Variants in BRD10 observed in about 807,000 individuals in gnomAD.
BRD10 encodes bromodomain containing 10, also known as uncharacterized bromodomain-containing protein 10.
At chr9:5,912,140 T>C in the BRD10 span, among the ~76,000 whole-genome samples, 2 of 152,240 alleles carry the variant, frequency 1.3e-5, no homozygotes, top group African/African-American at 4.8e-5. Flanking sequence ...TTTGCAGCTA[T>C]TGTAAATGGG....
the BRD10 span, chr9:5,922,315 C>A: frequency 6.2e-7 from 1 of 1,613,904 alleles, no homozygotes; most frequent in South Asian, 1.1e-5. Flanking sequence ...AGGAAATGGT[C>A]GGTGAAGCAC....
chr9:5,974,272 T>C, the BRD10 span, among the ~76,000 whole-genome samples: 1 of 152,198 alleles, frequency 6.6e-6, no homozygotes, highest in Non-Finnish European at 1.5e-5. Flanking sequence ...TAGAACTGCA[T>C]AACCAGCTAA....
At chr9:5,989,530 TA>T in the BRD10 span, among the ~76,000 whole-genome samples, 2 of 150,256 alleles carry the variant, frequency 1.3e-5, no homozygotes, top group East Asian at 3.9e-4. Flanking sequence ...AAAGGTTCAT[TA>T]AAATGTAAAT....
the BRD10 span, chr9:5,929,227 G>T: frequency 1.2e-6 from 1 of 841,626 alleles, no homozygotes; most frequent in South Asian, 1.6e-5. Context: ...CTTATTTTCT[G>T]AGTAAAATAC....
the BRD10 span, among the ~76,000 whole-genome samples, chr9:5,942,749 C>T: frequency 4.6e-5 from 7 of 152,284 alleles, no homozygotes; most frequent in African/African-American, 1.7e-4. Flanking sequence ...AATATGCAAA[C>T]ATCAGGGGGC....
the BRD10 span, among the ~76,000 whole-genome samples, chr9:5,946,068 A>C: frequency 3.6e-4 from 55 of 152,218 alleles, no homozygotes; most frequent in East Asian, 9.6e-3. Flanking sequence ...GGGTCACAAC[A>C]AGATAATTCC....
chr9:5,904,595 C>T, the BRD10 span, among the ~76,000 whole-genome samples: 4 of 152,104 alleles, frequency 2.6e-5, no homozygotes, highest in East Asian at 5.8e-4. Context: ...GTCTCAGCCT[C>T]CTGAGTAGCT....
the BRD10 span, among the ~76,000 whole-genome samples, chr9:5,996,273 C>T: frequency 4.0e-5 from 6 of 151,640 alleles, no homozygotes; most frequent in East Asian, 9.7e-4. Flanking sequence ...AATGACATAA[C>T]GCCCCAAAGA....
At chr9:5,997,035 A>T in the BRD10 span, among the ~76,000 whole-genome samples, 1 of 152,304 alleles carries the variant, frequency 6.6e-6, no homozygotes, top group African/African-American at 2.4e-5. Context: ...TGAGGCTTTA[A>T]AGTAGCTGAT....
At chr9:5,898,977 C>T in the BRD10 span, 5 of 152,116 alleles carry the variant, frequency 3.3e-5, no homozygotes, top group Non-Finnish European at 7.3e-5. Flanking sequence ...TTACACAATC[C>T]AATCTTCTGG....
chr9:6,007,455 C>T, the BRD10 span: 216 of 1,608,520 alleles, frequency 1.3e-4, no homozygotes, highest in Non-Finnish European at 1.7e-4. Flanking sequence ...CCTCCTCCTC[C>T]GCGGTGGCAA....
chr9:5,933,355 TTTC>T, the BRD10 span, among the ~76,000 whole-genome samples: 2 of 152,240 alleles, frequency 1.3e-5, no homozygotes, highest in African/African-American at 4.8e-5. Context: ...AAGCAGTATT[TTTC>T]TTTTATGAAT....
At chr9:5,983,120 T>C in the BRD10 span, among the ~76,000 whole-genome samples, 2 of 152,126 alleles carry the variant, frequency 1.3e-5, no homozygotes, top group African/African-American at 2.4e-5. Flanking sequence ...AGAATATTAA[T>C]AAGGTAGCAA....
chr9:5,952,917 T>C, the BRD10 span, among the ~76,000 whole-genome samples: 3 of 152,204 alleles, frequency 2.0e-5, no homozygotes, highest in Non-Finnish European at 4.4e-5. Context: ...GGTTATATAA[T>C]ATATAAAAGG....
At chr9:5,998,408 C>T in the BRD10 span, among the ~76,000 whole-genome samples, 134,833 of 152,114 alleles carry the variant, frequency 0.89, 60,812 homozygotes, top group Non-Finnish European at 0.99. Context: ...ATACACATAA[C>T]ATTTTAATAA....
chr9:5,935,391 G>A, the BRD10 span, among the ~76,000 whole-genome samples: 1 of 152,172 alleles, frequency 6.6e-6, no homozygotes, highest in South Asian at 2.1e-4. Context: ...CTTTGTAGCG[G>A]GGGAAAAACT....
the BRD10 span, chr9:6,008,351 C>T: frequency 4.1e-6 from 4 of 983,606 alleles, no homozygotes; most frequent in Non-Finnish European, 4.8e-6. Context: ...TTAGAAGCCC[C>T]GCTGGGCGGT....
the BRD10 span, among the ~76,000 whole-genome samples, chr9:5,932,267 CAAAG>C: frequency 1.3e-5 from 2 of 151,562 alleles, no homozygotes; most frequent in Non-Finnish European, 2.9e-5. Flanking sequence ...AAGGGAAAAA[CAAAG>C]AACAATGATC....
the BRD10 span, among the ~76,000 whole-genome samples, chr9:5,938,284 A>T: frequency 1.3e-5 from 2 of 152,198 alleles, no homozygotes; most frequent in African/African-American, 2.4e-5. Flanking sequence ...CTTCCAAAAG[A>T]TACAAAAATT....
Sources: allele counts gnomAD v4.1 joint callset (sites outside exome capture counted in the v4.1 genomes callset), GRCh38; gene constraint gnomAD v4.1.1; transcripts MANE v1.5; gene names NCBI Gene and HGNC (gene_info 2026-07-23, HGNC 2026-07-21).